The following COL26A1 variants were observed in gnomAD, a reference collection of about 807,000 sequenced individuals.
The protein encoded by COL26A1 is collagen alpha-1(XXVI) chain.
COL26A1 carries 41 observed loss-of-function variants against 59.3 expected under a neutral mutation model. The ratio of observed to expected loss-of-function variants is 0.69; its 90% confidence interval spans 0.54 to 0.90. The LOEUF is 0.90. Among genes scored for constraint, COL26A1 ranks in the 40% least tolerant of loss-of-function variants. COL26A1 has a pLI of 0.00. For synonymous variants in COL26A1, 266 were observed against 256.0 expected (o/e 1.04, Z -0.37); for missense variants, 612 against 602.3 (o/e 1.02, Z -0.17).
intron 9 of COL26A1, among the ~76,000 whole-genome samples, chr7:101,550,465 A>T (rs1405109715): frequency 6.6e-6 from 1 of 152,136 alleles, no homozygotes; most frequent in African/African-American, 2.4e-5. Context: ...TGTCTCATTA[A>T]AAAAAATTAA....
intron 1 of COL26A1, among the ~76,000 whole-genome samples, chr7:101,385,797 C>G (rs1791559905): frequency 6.6e-6 from 1 of 151,274 alleles, no homozygotes; most frequent in South Asian, 2.1e-4. Context: ...CTCTGCCTCC[C>G]AGGTTCACGC....
chr7:101,376,150 A>G (rs1355364025), intron 1 of COL26A1, among the ~76,000 whole-genome samples: 1 of 150,762 alleles, frequency 6.6e-6, no homozygotes. Flanking sequence ...AAAAAAAAAA[A>G]AAAGAATAGA....
At chr7:101,545,649 C>T (rs531685233) in intron 7 of COL26A1, among the ~76,000 whole-genome samples, 159 bp downstream of exon 7, 30 of 152,330 alleles carry the variant, frequency 2.0e-4, no homozygotes, top group Admixed American at 4.6e-4. Context: ...AGGAAGCCCT[C>T]CATGCAGTGT....
At chr7:101,374,491 C>T (rs929254542) in intron 1 of COL26A1, among the ~76,000 whole-genome samples, 2 of 152,162 alleles carry the variant, frequency 1.3e-5, no homozygotes, top group African/African-American at 2.4e-5. Flanking sequence ...TGCCCTCGCT[C>T]GCATTACTGC....
chr7:101,471,026 A>T (rs1377183363), intron 3 of COL26A1, among the ~76,000 whole-genome samples: 1 of 152,200 alleles, frequency 6.6e-6, no homozygotes, highest in Non-Finnish European at 1.5e-5. Flanking sequence ...GCTCCACGCT[A>T]GCAATTTCAA....
intron 11 of COL26A1, among the ~76,000 whole-genome samples, chr7:101,554,918 G>C (rs1438075079): frequency 6.6e-6 from 1 of 152,122 alleles, no homozygotes; most frequent in Non-Finnish European, 1.5e-5. Context: ...ATTGTCTTTG[G>C]TCCCCTGGTG....
At chr7:101,539,292 GTA>G (rs764506370) in intron 4 of COL26A1, among the ~76,000 whole-genome samples, 1,472 of 121,344 alleles carry the variant, frequency 0.012, 10 homozygotes, top group Middle Eastern at 0.017. Context: ...GTGTGTGTGT[GTA>G]TGTGTGTGTG....
intron 3 of COL26A1, among the ~76,000 whole-genome samples, chr7:101,528,263 C>G (rs895263512): frequency 3.3e-5 from 5 of 152,152 alleles, no homozygotes; most frequent in Admixed American, 3.3e-4. Context: ...AGCTGGGCCT[C>G]CCCCTCCATC....
At chr7:101,513,248 T>C (rs1794963407) in intron 3 of COL26A1, among the ~76,000 whole-genome samples, 1 of 152,034 alleles carries the variant, frequency 6.6e-6, no homozygotes, top group South Asian at 2.1e-4. Context: ...CCTCAAGTGA[T>C]CCACCCTCCT....
At chr7:101,485,005 C>T (rs1299638604) in intron 3 of COL26A1, among the ~76,000 whole-genome samples, 2 of 152,100 alleles carry the variant, frequency 1.3e-5, no homozygotes, top group Non-Finnish European at 2.9e-5. Context: ...GCATGCGCCA[C>T]CAAGCCTGGC....
In COL26A1 at chr7:101,363,059, G is replaced by A; in HGVS notation, c.27G>A (p.Trp9Ter). 2 of 1,582,522 alleles carry A rather than the reference G, an allele frequency of 1.3e-6. No individual in the cohort carries two copies. Among genetic ancestry groups the A allele is most frequent in the Non-Finnish European group, 1.7e-6 (2 of 1,173,004 alleles). ...TGAAGCTGGCCCTGCTCCTGCCCTG[G>A]GCGTGTTGCTGCCTCTGCGGGTCGG... Reference protein sequence around the residue: MKLALLLPWACCCLCGSAL... With the variant: MKLALLLP Residue 9 changes from tryptophan to a stop codon, truncating the protein, a stop_gained, in exon 1 of 13, where the codon TGG (tryptophan) becomes TGA (stop). Transcript: ENST00000313669. LOFTEE classifies it high-confidence loss of function.
At chr7:101,500,726 C>T (rs1385991577) in intron 3 of COL26A1, among the ~76,000 whole-genome samples, 2 of 151,958 alleles carry the variant, frequency 1.3e-5, no homozygotes, top group Non-Finnish European at 2.9e-5. Context: ...GAGGCTGAGG[C>T]GGGAGAATCA....
At chr7:101,526,718 T>C (rs1584487084) in intron 3 of COL26A1, among the ~76,000 whole-genome samples, 1 of 152,262 alleles carries the variant, frequency 6.6e-6, no homozygotes, top group Non-Finnish European at 1.5e-5. Context: ...ACTTGACAAC[T>C]GTTGTCCTGC....
chr7:101,545,219 AC>A, intron 6 of COL26A1, 118 bp from the exon 7 acceptor site: 1 of 850,964 alleles, frequency 1.2e-6, no homozygotes, highest in South Asian at 1.9e-5. Context: ...GTCACCACTG[AC>A]TGCCTGTGGG....
chr7:101,455,503 C>CTTTTTTTTTTTTT (rs10690062), intron 3 of COL26A1, among the ~76,000 whole-genome samples: 10 of 116,566 alleles, frequency 8.6e-5, no homozygotes, highest in African/African-American at 1.7e-4. Flanking sequence ...CTTTTCTTTT[C>CTTTTTTTTTTTTT]TTTTTTTTTT....
intron 2 of COL26A1, among the ~76,000 whole-genome samples, chr7:101,424,053 T>A (rs991307274): frequency 3.3e-5 from 5 of 151,102 alleles, no homozygotes; most frequent in African/African-American, 9.7e-5. Context: ...ACAAATTTTT[T>A]AAAAAACATC....
chr7:101,468,813 G>T (rs1793826747), intron 3 of COL26A1, among the ~76,000 whole-genome samples: 1 of 152,230 alleles, frequency 6.6e-6, no homozygotes, highest in Admixed American at 6.5e-5. Flanking sequence ...GCACCGCCCT[G>T]GAGGCCAAGC....
intron 3 of COL26A1, among the ~76,000 whole-genome samples, chr7:101,489,798 CTT>C (rs869116580): frequency 7.4e-3 from 13 of 1,750 alleles, no homozygotes; most frequent in East Asian, 0.031. Flanking sequence ...TTCTTTCTTT[CTT>C]TCTTTCTTTC....
chr7:101,412,166 TAAACA>T (rs1047119201), intron 1 of COL26A1, among the ~76,000 whole-genome samples: 1 of 152,010 alleles, frequency 6.6e-6, no homozygotes, highest in African/African-American at 2.4e-5. Flanking sequence ...GAGGACTAGC[TAAACA>T]AAACAGATCG....
Sources: gnomAD v4.1 joint callset for allele counts (sites outside exome capture counted in the v4.1 genomes callset) on GRCh38, gnomAD v4.1.1 for gene constraint, MANE v1.5 for transcripts, NCBI Gene and HGNC (gene_info 2026-07-23, HGNC 2026-07-21) for gene names.